The following GDAP1 variants were observed in gnomAD, a reference collection of about 807,000 sequenced individuals.
GDAP1 encodes the protein ganglioside-induced differentiation-associated protein 1.
A neutral mutation model predicts 40.1 loss-of-function variants in GDAP1; 34 were observed. The ratio of observed to expected loss-of-function variants is 0.85; its 90% CI spans 0.64 to 1.13. The LOEUF (loss-of-function observed/expected upper bound fraction) is 1.13, where lower values mean the gene tolerates loss of function less well. Ranked by LOEUF, GDAP1 falls within the 50% of genes most tolerant of loss-of-function variation. GDAP1 has a pLI of 0.00. For synonymous variants in GDAP1, 170 were observed against 157.4 expected, an observed-to-expected ratio of 1.08 and a Z score of -0.60; for missense variants, 374 against 433.7, an observed-to-expected ratio of 0.86 and a Z score of 1.22.
At position 74,366,485 on chromosome 8, in the gene GDAP1, C is replaced by T; in HGVS notation, c.*2118C>T. 1 of 454,432 alleles carries T rather than the reference C, an allele frequency of 2.2e-6. No individual in the cohort carries two copies. Among genetic ancestry groups the T allele is most frequent in the Non-Finnish European group, 4.4e-6 (1 of 226,744 alleles). 28.1% of individuals were successfully genotyped at this position (454,432 alleles called of 1,614,324 possible). On this transcript the variant is annotated 3_prime_UTR_variant, in exon 6 of 6. Transcript: ENST00000220822. ...CTTTGAAAGGGATTACAGTATCACA[C>T]AATGTCAAGCTAGAGTTAAACACAG...
chr8:74,413,065 CAAAAAAAAAA>C (rs71269990), intron 2 of GDAP1, among the ~76,000 whole-genome samples: 1 of 57,156 alleles, frequency 1.7e-5, no homozygotes, highest in African/African-American at 9.5e-5. Flanking sequence ...GACTCTGTCT[CAAAAAAAAAA>C]AAAAAAAAAA....
intron 2 of GDAP1, among the ~76,000 whole-genome samples, chr8:74,445,788 T>C (rs889473042): frequency 2.6e-5 from 4 of 152,204 alleles, no homozygotes; most frequent in Non-Finnish European, 4.4e-5. Flanking sequence ...CCTGGAAATC[T>C]GTTATACAAA....
chr8:74,371,516 C>T (rs1586812126), downstream of GDAP1, among the ~76,000 whole-genome samples: 4 of 151,804 alleles, frequency 2.6e-5, no homozygotes, highest in Admixed American at 6.6e-5. Flanking sequence ...AAAAATTAGC[C>T]GGGCGTGGTA....
chr8:74,380,387 A>G (rs570787733), intron 2 of GDAP1, among the ~76,000 whole-genome samples: 110 of 152,294 alleles, frequency 7.2e-4, no homozygotes, highest in Non-Finnish European at 1.4e-3. Context: ...TTGATGGATG[A>G]TTCTAGAACT....
rs556686931 is a variant in GDAP1 at position 74,352,373 on chromosome 8, G to A, written c.310+907G>A. On this transcript the variant is annotated intron_variant, in intron 2 of 5. Coordinates refer to ENST00000220822, the MANE Select transcript of GDAP1 (RefSeq NM_018972.4). ...ATGCTCTTCTAAAAAGGCTGTATGA[G>A]ATTGTTACTTTTCATCTGCCACCAG... is the stretch of plus-strand genomic sequence containing the variant. Among the ~76,000 whole-genome samples, 9 of 152,162 alleles carry A rather than the reference G, an allele frequency of 5.9e-5. No homozygotes were observed. In the South Asian group the frequency reaches 1.7e-3, roughly 28 times the overall value.
At chr8:74,469,525 G>C (rs1464874738) in intron 2 of GDAP1, among the ~76,000 whole-genome samples, 1 of 151,774 alleles carries the variant, frequency 6.6e-6, no homozygotes, top group Middle Eastern at 3.2e-3. Context: ...AAAATTAGCC[G>C]GGCGCGGTGG....
chr8:74,419,877 G>A (rs756117164), intron 2 of GDAP1, among the ~76,000 whole-genome samples: 4 of 152,066 alleles, frequency 2.6e-5, no homozygotes, highest in South Asian at 4.1e-4. Flanking sequence ...TTTGCATGTG[G>A]ATATCCAGTT....
intron 2 of GDAP1, among the ~76,000 whole-genome samples, chr8:74,473,078 C>T (rs1208510688): frequency 2.7e-5 from 2 of 73,638 alleles, no homozygotes; most frequent in Non-Finnish European, 4.9e-5. Context: ...TTGTTGGCTG[C>T]ATGTATTTTT....
At chr8:74,438,086 T>C (rs547728234) in intron 2 of GDAP1, among the ~76,000 whole-genome samples, 1 of 151,982 alleles carries the variant, frequency 6.6e-6, no homozygotes, top group African/African-American at 2.4e-5. Context: ...CTGGCCAACA[T>C]GGTGAAACCC....
At chr8:74,402,686 G>T (rs545019718) in intron 2 of GDAP1, among the ~76,000 whole-genome samples, 1 of 150,054 alleles carries the variant, frequency 6.7e-6, no homozygotes, top group Non-Finnish European at 1.5e-5. Flanking sequence ...ATTCCTATTC[G>T]GCCATCTTGG....
intron 2 of GDAP1, among the ~76,000 whole-genome samples, chr8:74,438,964 G>A (rs1041220533): frequency 4.0e-5 from 6 of 151,890 alleles, no homozygotes; most frequent in South Asian, 2.1e-4. Context: ...TAGTATATAC[G>A]TTCTTTAAAC....
At position 74,415,358 on chromosome 8, in the gene GDAP1, T is replaced by G. The variant is rs115762678; in HGVS notation, c.165+64037T>G. Among the ~76,000 whole-genome samples the G allele has an allele frequency of 6.1e-3, 923 of 150,300 alleles. 99 individuals carry two copies. Among genetic ancestry groups the G allele is most frequent in the African/African-American group, 0.022 (863 of 39,600 alleles). On this transcript the variant is annotated intron_variant, in intron 2 of 2. Coordinates refer to the GDAP1 transcript ENST00000523640. ...GAAGAAAAGCATGAAACTGGCAGAT[T>G]GGAGGCATCGTTAGCATGCCTCCCC... is the stretch of plus-strand genomic sequence containing the variant.
chr8:74,384,557 C>T (rs1314981880), intron 2 of GDAP1, among the ~76,000 whole-genome samples: 4 of 152,088 alleles, frequency 2.6e-5, no homozygotes, highest in Non-Finnish European at 5.9e-5. Context: ...CCAGGTTTTC[C>T]AAAAGTTGAT....
chr8:74,397,319 T>C (rs1350606632), intron 2 of GDAP1, among the ~76,000 whole-genome samples: 4 of 152,054 alleles, frequency 2.6e-5, no homozygotes, highest in African/African-American at 9.7e-5. Context: ...CTGTTCACTC[T>C]GATGGTAGTT....
At chr8:74,443,980 G>GTCTATCTA (rs34362360) in intron 2 of GDAP1, among the ~76,000 whole-genome samples, 11,469 of 147,352 alleles carry the variant, frequency 0.078, 484 homozygotes, top group African/African-American at 0.097. Flanking sequence ...CTTTCTGTCT[G>GTCTATCTA]TCTATCTATC....
chr8:74,424,146 A>G (rs540944410), intron 2 of GDAP1, among the ~76,000 whole-genome samples: 2 of 152,222 alleles, frequency 1.3e-5, no homozygotes, highest in East Asian at 1.9e-4. Context: ...ATGCTCCTGT[A>G]TACTTTAAGT....
intron 2 of GDAP1, among the ~76,000 whole-genome samples, chr8:74,485,098 AT>A (rs796246636): frequency 2.6e-5 from 4 of 152,138 alleles, no homozygotes; most frequent in East Asian, 1.9e-4. Context: ...TTAATATGTA[AT>A]TTTTTTTATA....
At chr8:74,389,015 T>C (rs1284968499) in intron 2 of GDAP1, among the ~76,000 whole-genome samples, 1 of 152,188 alleles carries the variant, frequency 6.6e-6, no homozygotes, top group Non-Finnish European at 1.5e-5. Context: ...TGCTGTTTTT[T>C]GCTTTCCATT....
chr8:74,486,086 C>T (rs1483017098), intron 2 of GDAP1, among the ~76,000 whole-genome samples: 1 of 152,134 alleles, frequency 6.6e-6, no homozygotes, highest in Admixed American at 6.5e-5. Flanking sequence ...TGGCTCCCAC[C>T]ATTCCATGGG....
Sources: gnomAD v4.1 joint callset for allele counts (sites outside exome capture counted in the v4.1 genomes callset) on GRCh38, gnomAD v4.1.1 for gene constraint, MANE v1.5 for transcripts, NCBI Gene and HGNC (gene_info 2026-07-23, HGNC 2026-07-21) for gene names.